The following GAS2 variants were observed in gnomAD, a reference collection of about 807,000 sequenced individuals.
GAS2 encodes the protein growth arrest specific 2.
In GAS2, 20 loss-of-function variants were observed where a neutral mutation model predicts 37.5. The observed-to-expected ratio is 0.53, with a 90% confidence interval of 0.37 to 0.77. The LOEUF is 0.77. GAS2 is among the 30% of genes least tolerant of loss of function. The probability of loss-of-function intolerance (pLI) is 0.00; values close to 1 mark genes in which losing one functional copy is unlikely to be tolerated. For synonymous variants in GAS2, 144 were observed against 132.2 expected (o/e 1.09, Z -0.61); for missense variants, 336 against 373.4 (o/e 0.90, Z 0.82).
At chr11:22,659,841 A>G (rs1590582171) in intron 1 of GAS2, among the ~76,000 whole-genome samples, 4 of 150,012 alleles carry the variant, frequency 2.7e-5, no homozygotes, top group Admixed American at 2.7e-4. Context: ...GGAAGAAAGG[A>G]AGGAAAAGAG....
At chr11:22,793,160 G>A (rs1157757732) in intron 7 of GAS2, among the ~76,000 whole-genome samples, 1 of 152,084 alleles carries the variant, frequency 6.6e-6, no homozygotes, top group Non-Finnish European at 1.5e-5. Context: ...TGTAATCCCA[G>A]CTACTAGAGA....
intron 7 of GAS2, among the ~76,000 whole-genome samples, chr11:22,796,889 C>T (rs1856451799): frequency 6.6e-6 from 1 of 152,064 alleles, no homozygotes; most frequent in Non-Finnish European, 1.5e-5. Context: ...TTCTTTGCTC[C>T]ATGGAGCCCA....
intron 5 of GAS2, among the ~76,000 whole-genome samples, chr11:22,742,567 T>G (rs1009510215): frequency 6.6e-5 from 10 of 152,130 alleles, no homozygotes; most frequent in Admixed American, 1.3e-4. Context: ...GACTGTACCT[T>G]AGGCAGTTTG....
At chr11:22,698,302 T>A (rs1384312853) in intron 3 of GAS2, among the ~76,000 whole-genome samples, 1 of 152,022 alleles carries the variant, frequency 6.6e-6, no homozygotes, top group African/African-American at 2.4e-5. Context: ...ACAGTCACCC[T>A]CCCAAGACTA....
intron 1 of GAS2, among the ~76,000 whole-genome samples, chr11:22,631,658 C>T (rs559507166): frequency 6.6e-6 from 1 of 152,206 alleles, no homozygotes; most frequent in South Asian, 2.1e-4. Flanking sequence ...TGATTCATCC[C>T]TGGGATGAAT....
intron 1 of GAS2, among the ~76,000 whole-genome samples, chr11:22,637,086 TA>T (rs1858834427): frequency 7.6e-6 from 1 of 131,388 alleles, no homozygotes; most frequent in East Asian, 2.3e-4. Flanking sequence ...ATTAATATAA[TA>T]AGTAATATTG....
At chr11:22,733,691 G>A (rs1023929746) in intron 4 of GAS2, among the ~76,000 whole-genome samples, 5 of 151,556 alleles carry the variant, frequency 3.3e-5, no homozygotes, top group Non-Finnish European at 5.9e-5. Context: ...TCTAGGTTAT[G>A]AGAGTGAGTC....
chr11:22,685,588 T>A, intron 2 of GAS2, 80 bp from the exon 3 acceptor site: 1 of 1,482,882 alleles, frequency 6.7e-7, no homozygotes, highest in Non-Finnish European at 9.2e-7. Context: ...ATTTTAGTGA[T>A]AAAACTGTGT....
intron 1 of GAS2, among the ~76,000 whole-genome samples, chr11:22,653,123 C>T (rs185140805): frequency 6.6e-6 from 1 of 150,976 alleles, no homozygotes; most frequent in African/African-American, 2.4e-5. Context: ...CTTCCTCCCT[C>T]CTTTCTTGCC....
At chr11:22,635,248 C>A (rs1174480197) in intron 1 of GAS2, among the ~76,000 whole-genome samples, 1 of 152,162 alleles carries the variant, frequency 6.6e-6, no homozygotes, top group Non-Finnish European at 1.5e-5. Context: ...TCAATCAAGT[C>A]CCACACTATG....
intron 7 of GAS2, among the ~76,000 whole-genome samples, chr11:22,774,945 G>A (rs1855176209): frequency 6.6e-6 from 1 of 151,826 alleles, no homozygotes; most frequent in African/African-American, 2.4e-5. Flanking sequence ...AGGCCCAGAA[G>A]TAACAGAGGA....
intron 3 of GAS2, among the ~76,000 whole-genome samples, chr11:22,700,376 C>T (rs1215368602): frequency 6.6e-6 from 1 of 152,128 alleles, no homozygotes; most frequent in Non-Finnish European, 1.5e-5. Context: ...CCCCCCTCTG[C>T]CTGTTTGCTT....
At chr11:22,691,724 T>A (rs1292035006) in intron 3 of GAS2, among the ~76,000 whole-genome samples, 1 of 152,194 alleles carries the variant, frequency 6.6e-6, no homozygotes, top group African/African-American at 2.4e-5. Context: ...TGCCTGAGAC[T>A]AAAGGAAAAA....
At chr11:22,748,683 T>G (rs1294884574) in intron 5 of GAS2, among the ~76,000 whole-genome samples, 1 of 152,098 alleles carries the variant, frequency 6.6e-6, no homozygotes, top group Non-Finnish European at 1.5e-5. Flanking sequence ...AAGATGTTTA[T>G]TTCTGGGGAT....
At position 22,789,895 on chromosome 11, in the gene GAS2, C is replaced by G. The variant is rs185998845; in HGVS notation, c.724-21903C>G. Among the ~76,000 whole-genome samples the G allele has an allele frequency of 1.6e-3, 250 of 152,122 alleles. 2 individuals carry two copies. The highest frequency in any genetic ancestry group is 5.5e-3 in the African/African-American group (229 of 41,486). ...GAGTTATAAAACAAGTAAATGGTTCCTTATAACACATTAGCTATGAGAAAG... is the reference window on the plus strand; with the variant it reads ...GAGTTATAAAACAAGTAAATGGTTCGTTATAACACATTAGCTATGAGAAAG... On this transcript the variant is annotated intron_variant, in intron 7 of 7. Coordinates refer to ENST00000454584, the MANE Select transcript of GAS2 (RefSeq NM_001143830.3).
At chr11:22,634,915 C>T (rs942959252) in intron 1 of GAS2, among the ~76,000 whole-genome samples, 5 of 152,196 alleles carry the variant, frequency 3.3e-5, no homozygotes, top group African/African-American at 1.2e-4. Context: ...TGAATAGACT[C>T]AAGACCTCCT....
chr11:22,691,887 A>G (rs1312524033), intron 3 of GAS2, among the ~76,000 whole-genome samples: 1 of 152,092 alleles, frequency 6.6e-6, no homozygotes, highest in Admixed American at 6.5e-5. Flanking sequence ...CCCTGTCACT[A>G]TTTTTTAAGT....
upstream of GAS2, among the ~76,000 whole-genome samples, chr11:22,662,635 C>A (rs562301224): frequency 2.6e-5 from 4 of 151,614 alleles, no homozygotes; most frequent in Admixed American, 2.0e-4. Context: ...AAGCAAACTA[C>A]AAGATAAAGA....
chr11:22,631,441 G>A (rs1433147165), intron 1 of GAS2, among the ~76,000 whole-genome samples: 2 of 151,742 alleles, frequency 1.3e-5, no homozygotes, highest in Non-Finnish European at 3.0e-5. Flanking sequence ...GCTTCAACAT[G>A]AATGTTGGCT....
Sources: allele counts gnomAD v4.1 joint callset (sites outside exome capture counted in the v4.1 genomes callset), GRCh38; gene constraint gnomAD v4.1.1; transcripts MANE v1.5; gene names NCBI Gene and HGNC (gene_info 2026-07-23, HGNC 2026-07-21).